PSD3: variants seen among roughly 807,000 people sequenced by gnomAD.
PSD3 encodes PH and SEC7 domain-containing protein 3.
A neutral mutation model predicts 105.5 loss-of-function variants in PSD3; 49 were observed. The ratio of observed to expected loss-of-function variants is 0.46; its 90% confidence interval spans 0.37 to 0.59. PSD3 has a LOEUF of 0.59. Ranked by LOEUF, PSD3 falls within the 20% of genes least tolerant of loss-of-function variation. The pLI is 0.00. For synonymous variants in PSD3, 557 were observed against 457.8 expected (o/e 1.22, Z -2.77); for missense variants, 1,561 against 1,263.8 (o/e 1.24, Z -3.57).
chr8:19,005,022 A>G (rs1439275299), intron 1 of PSD3, among the ~76,000 whole-genome samples: 1 of 152,096 alleles, frequency 6.6e-6, no homozygotes, highest in East Asian at 1.9e-4. Flanking sequence ...AGCAGTGTGA[A>G]AATGGACGAA....
intron 2 of PSD3, among the ~76,000 whole-genome samples, chr8:18,926,590 T>C (rs1341143736): frequency 1.3e-5 from 2 of 152,094 alleles, no homozygotes; most frequent in Admixed American, 6.6e-5. Flanking sequence ...TCATATCTCC[T>C]AGGATAATTA....
At chr8:18,727,603 T>A (rs918010012) in intron 9 of PSD3, among the ~76,000 whole-genome samples, 1 of 139,572 alleles carries the variant, frequency 7.2e-6, no homozygotes, top group African/African-American at 2.6e-5. Context: ...CACACACCCC[T>A]CTTATTCATC....
intron 4 of PSD3, among the ~76,000 whole-genome samples, chr8:18,854,866 G>A (rs1815877582): frequency 6.6e-6 from 1 of 152,050 alleles, no homozygotes; most frequent in African/African-American, 2.4e-5. Flanking sequence ...TTCTGCTCGT[G>A]GATGTGAAAA....
chr8:18,975,314 A>AAATTT (rs1491401616), intron 1 of PSD3, among the ~76,000 whole-genome samples: 1 of 144,316 alleles, frequency 6.9e-6, no homozygotes. Flanking sequence ...ATTTTCTGAA[A>AAATTT]TTTTTTTTTT....
At chr8:18,842,759 T>G (rs1439744559) in intron 4 of PSD3, among the ~76,000 whole-genome samples, 1 of 152,012 alleles carries the variant, frequency 6.6e-6, no homozygotes, top group Admixed American at 6.5e-5. Flanking sequence ...ATGGCTTTAC[T>G]AGTATACAGA....
intron 1 of PSD3, among the ~76,000 whole-genome samples, chr8:18,968,378 T>C (rs1214771862): frequency 6.6e-6 from 1 of 152,230 alleles, no homozygotes; most frequent in African/African-American, 2.4e-5. Context: ...CTAAATCAAT[T>C]GTCCTCGTTC....
At chr8:18,632,840 C>T (rs1436862234) in intron 10 of PSD3, 34 bp from the exon 11 acceptor site, 1 of 1,444,972 alleles carries the variant, frequency 6.9e-7, no homozygotes, top group Non-Finnish European at 9.5e-7. Flanking sequence ...CTGAGTCAAG[C>T]ACCTATCATA....
chr8:18,603,729 C>A (rs527405422), intron 11 of PSD3, among the ~76,000 whole-genome samples: 1 of 152,146 alleles, frequency 6.6e-6, no homozygotes, highest in African/African-American at 2.4e-5. Flanking sequence ...TAGCACCATC[C>A]GCTTCTCGTG....
chr8:18,800,854 T>G (rs969442522), intron 7 of PSD3: 1 of 154,222 alleles, frequency 6.5e-6, no homozygotes, highest in African/African-American at 2.4e-5. Context: ...TCAAGAAACA[T>G]AGAGACCAAA....
At chr8:18,730,945 T>C (rs980567784) in intron 9 of PSD3, among the ~76,000 whole-genome samples, 1 of 152,146 alleles carries the variant, frequency 6.6e-6, no homozygotes, top group African/African-American at 2.4e-5. Context: ...TCGAAAGTAA[T>C]GTTTATTTTT....
chr8:18,902,185 C>T (rs1477366407), intron 2 of PSD3, among the ~76,000 whole-genome samples: 3 of 152,150 alleles, frequency 2.0e-5, no homozygotes, highest in East Asian at 1.9e-4. Flanking sequence ...AATCCCATAA[C>T]ACAAATATTT....
At position 18,731,298 on chromosome 8, in the gene PSD3, C is replaced by T. The variant is rs1281550325; in HGVS notation, c.2172+34151G>A. Among the ~76,000 whole-genome samples, 3 of 152,108 alleles carry T rather than the reference C, an allele frequency of 2.0e-5. No individual in the cohort carries two copies. The East Asian group carries it at 5.8e-4, about 29-fold the overall frequency. ...AAACCTTCTTCATCACATAGCAAAA[C>T]ATTTATTCTGACTATGGACTAATGC... On this transcript the variant is annotated intron_variant, in intron 9 of 15. Transcript: ENST00000327040.
chr8:18,988,057 T>C (rs896086706), intron 1 of PSD3, among the ~76,000 whole-genome samples: 1 of 152,038 alleles, frequency 6.6e-6, no homozygotes. Flanking sequence ...TTGCATTTAA[T>C]AGTGCTTGGC....
At chr8:18,981,221 A>G (rs1474720913) in intron 1 of PSD3, among the ~76,000 whole-genome samples, 1 of 152,212 alleles carries the variant, frequency 6.6e-6, no homozygotes, top group Non-Finnish European at 1.5e-5. Flanking sequence ...TGTTGAATGA[A>G]CAGATGAATG....
chr8:19,053,730 A>G (rs565835797), intron 1 of PSD3, among the ~76,000 whole-genome samples: 2 of 152,278 alleles, frequency 1.3e-5, no homozygotes, highest in African/African-American at 4.8e-5. Context: ...GTCTCAAGAA[A>G]AAAAAAAAAG....
intron 9 of PSD3, among the ~76,000 whole-genome samples, chr8:18,761,047 T>C (rs6998281): frequency 0.24 from 36,487 of 152,068 alleles, 6,692 homozygotes; most frequent in East Asian, 0.49. Context: ...CAGGACCAGT[T>C]CAAGAGCCAA....
At chr8:18,744,117 G>T (rs964985980) in intron 9 of PSD3, among the ~76,000 whole-genome samples, 4 of 151,938 alleles carry the variant, frequency 2.6e-5, no homozygotes, top group Non-Finnish European at 4.4e-5. Flanking sequence ...ATTTTGTATT[G>T]ATGTTCCCCA....
At chr8:19,004,820 G>C (rs1314826179) in intron 1 of PSD3, among the ~76,000 whole-genome samples, 2 of 151,978 alleles carry the variant, frequency 1.3e-5, no homozygotes, top group African/African-American at 2.4e-5. Flanking sequence ...TAAGTCTCAA[G>C]AGATCTGATG....
At chr8:18,673,227 C>A (rs1414889321) in intron 9 of PSD3, among the ~76,000 whole-genome samples, 1 of 152,062 alleles carries the variant, frequency 6.6e-6, no homozygotes, top group Non-Finnish European at 1.5e-5. Context: ...CACCCACACA[C>A]ACCCTGCCCG....
Sources: gnomAD v4.1 joint callset for allele counts (sites outside exome capture counted in the v4.1 genomes callset) on GRCh38, gnomAD v4.1.1 for gene constraint, MANE v1.5 for transcripts, NCBI Gene and HGNC (gene_info 2026-07-23, HGNC 2026-07-21) for gene names.